The following RBFOX1 variants were observed in gnomAD, a reference collection of about 807,000 sequenced individuals.
RBFOX1 encodes the protein RNA binding protein fox-1 homolog 1.
In RBFOX1, 8 loss-of-function variants were observed where a neutral mutation model predicts 57.7. The ratio of observed to expected loss-of-function variants is 0.14; its 90% CI spans 0.08 to 0.25. RBFOX1 has a LOEUF of 0.25. Ranked by LOEUF, RBFOX1 falls within the 10% of genes least tolerant of loss-of-function variation. The pLI is 1.00. For synonymous variants in RBFOX1, 326 were observed against 222.4 expected (o/e 1.47, Z -4.15); for missense variants, 611 against 548.5 (o/e 1.11, Z -1.14).
At chr16:7,417,491 A>C (rs2098492882) in intron 4 of RBFOX1, among the ~76,000 whole-genome samples, 1 of 151,304 alleles carries the variant, frequency 6.6e-6, no homozygotes, top group South Asian at 2.1e-4. Context: ...GATCCAATGC[A>C]TCCGCCTTAT....
chr16:6,613,708 G>C (rs755075908), intron 2 of RBFOX1, among the ~76,000 whole-genome samples: 1 of 152,182 alleles, frequency 6.6e-6, no homozygotes, highest in Non-Finnish European at 1.5e-5. Flanking sequence ...GTACCAAGGA[G>C]GGCAGATCAC....
chr16:6,395,830 C>G (rs1036683469), intron 2 of RBFOX1, among the ~76,000 whole-genome samples: 3 of 152,032 alleles, frequency 2.0e-5, no homozygotes, highest in African/African-American at 4.8e-5. Context: ...TTTTGGGAGG[C>G]TGAGGCAGGT....
At chr16:5,548,318 T>G (rs2151076902) in intron 2 of RBFOX1, among the ~76,000 whole-genome samples, 1 of 150,998 alleles carries the variant, frequency 6.6e-6, no homozygotes, top group South Asian at 2.1e-4. Context: ...TACTGCAAAC[T>G]TCAGTGTCAT....
intron 4 of RBFOX1, among the ~76,000 whole-genome samples, chr16:7,061,250 T>C (rs1466157406): frequency 6.6e-6 from 1 of 151,884 alleles, no homozygotes; most frequent in Admixed American, 6.6e-5. Flanking sequence ...ATAAGTACAT[T>C]TAAAATGTTT....
rs78399990 is a variant in RBFOX1, at chr16:6,684,128, C to T, written c.-16+29478C>T. Among the ~76,000 whole-genome samples the T allele has an allele frequency of 5.0e-3, 765 of 152,212 alleles. 8 individuals are homozygous for T. Among genetic ancestry groups the T allele is most frequent in the African/African-American group, 0.018 (727 of 41,538 alleles). ...AATAGCAGAATTTCCTGATGGTTTT[C>T]AATGGTATCAGCATGCTTTTATGGT... On this transcript the variant is annotated intron_variant, in intron 3 of 15. Coordinates refer to ENST00000550418, the MANE Select transcript of RBFOX1 (RefSeq NM_018723.4).
chr16:7,360,569 G>C (rs141523246), intron 4 of RBFOX1, among the ~76,000 whole-genome samples: 14 of 152,270 alleles, frequency 9.2e-5, no homozygotes, highest in Non-Finnish European at 2.1e-4. Flanking sequence ...CCTGTGCCTA[G>C]GGAAGTGAGG....
intron 4 of RBFOX1, among the ~76,000 whole-genome samples, chr16:7,492,705 A>C (rs75716176): frequency 1.4e-3 from 1 of 734 alleles, no homozygotes; most frequent in African/African-American, 1.6e-3. Context: ...CCTTGGTGGT[A>C]GTGGCATGAT....
chr16:5,885,906 A>C (rs531248183), intron 4 of RBFOX1, among the ~76,000 whole-genome samples: 11 of 152,218 alleles, frequency 7.2e-5, no homozygotes, highest in African/African-American at 2.6e-4. Context: ...GTTGAATTGT[A>C]ATCCTCGATG....
intron 1 of RBFOX1, among the ~76,000 whole-genome samples, chr16:6,177,629 G>A (rs1271667572): frequency 1.3e-5 from 2 of 152,088 alleles, no homozygotes; most frequent in African/African-American, 4.8e-5. Context: ...TGTCATCCCA[G>A]CAAGATATAA....
At chr16:5,715,771 G>A (rs1218596549) in intron 3 of RBFOX1, among the ~76,000 whole-genome samples, 2 of 152,178 alleles carry the variant, frequency 1.3e-5, no homozygotes, top group African/African-American at 2.4e-5. Context: ...AGAAGCCTGC[G>A]GCTGCGAGTA....
chr16:7,408,092 G>C (rs180857870), intron 4 of RBFOX1, among the ~76,000 whole-genome samples: 1 of 152,198 alleles, frequency 6.6e-6, no homozygotes. Flanking sequence ...AGGACAGAAA[G>C]GTTGATTAAC....
chr16:5,872,232 C>G (rs1329975380), intron 4 of RBFOX1, among the ~76,000 whole-genome samples: 2 of 152,160 alleles, frequency 1.3e-5, no homozygotes, highest in Non-Finnish European at 2.9e-5. Context: ...TAACAAGGGT[C>G]TGTTGAGCTG....
At chr16:5,491,052 A>G (rs2042811508) in intron 2 of RBFOX1, among the ~76,000 whole-genome samples, 1 of 152,180 alleles carries the variant, frequency 6.6e-6, no homozygotes, top group East Asian at 1.9e-4. Context: ...AATGGCCAAT[A>G]TCAAATTCCA....
At chr16:7,309,406 T>C (rs573255986) in intron 4 of RBFOX1, among the ~76,000 whole-genome samples, 17 of 152,320 alleles carry the variant, frequency 1.1e-4, no homozygotes, top group African/African-American at 3.6e-4. Flanking sequence ...TTCTGAAAAT[T>C]GTAAGCATCT....
intron 4 of RBFOX1, among the ~76,000 whole-genome samples, chr16:5,952,698 G>T (rs1023114182): frequency 6.6e-6 from 1 of 152,184 alleles, no homozygotes; most frequent in African/African-American, 2.4e-5. Context: ...GCCGTGTGGT[G>T]TGACACAGAA....
At chr16:6,895,668 G>A (rs1451337487) in intron 3 of RBFOX1, among the ~76,000 whole-genome samples, 1 of 151,382 alleles carries the variant, frequency 6.6e-6, no homozygotes, top group African/African-American at 2.4e-5. Flanking sequence ...TGGAAAGGAG[G>A]CAAAAGTACC....
chr16:6,780,677 C>G (rs2080863545), intron 3 of RBFOX1, among the ~76,000 whole-genome samples: 1 of 145,846 alleles, frequency 6.9e-6, no homozygotes, highest in South Asian at 2.1e-4. Flanking sequence ...CCTGTTTTTT[C>G]AGAGAGCTAT....
At chr16:5,513,399 G>A (rs945845634) in intron 2 of RBFOX1, among the ~76,000 whole-genome samples, 2 of 152,126 alleles carry the variant, frequency 1.3e-5, no homozygotes, top group African/African-American at 2.4e-5. Context: ...GCCAACTACC[G>A]ACATGCCTAT....
chr16:5,725,791 CT>C (rs2052128401), intron 3 of RBFOX1, among the ~76,000 whole-genome samples: 1 of 152,118 alleles, frequency 6.6e-6, no homozygotes, highest in African/African-American at 2.4e-5. Flanking sequence ...TAGCTGCCCT[CT>C]CCCCACTCAG....
Sources: gnomAD v4.1 joint callset for allele counts (sites outside exome capture counted in the v4.1 genomes callset) on GRCh38, gnomAD v4.1.1 for gene constraint, MANE v1.5 for transcripts, NCBI Gene and HGNC (gene_info 2026-07-23, HGNC 2026-07-21) for gene names.